Variants in VPS53 observed in about 807,000 individuals in gnomAD.
The protein encoded by VPS53 is VPS53 subunit of GARP complex, also known as vacuolar protein sorting-associated protein 53 homolog.
Under a neutral mutation model 107.0 loss-of-function variants are expected in VPS53, and 70 were observed. That is an observed-to-expected ratio of 0.65 (90% CI 0.54 to 0.80). The LOEUF (loss-of-function observed/expected upper bound fraction) is 0.80, where lower values mean the gene tolerates loss of function less well. VPS53 is among the 30% of genes least tolerant of loss of function. The pLI is 0.00. For missense variants in VPS53, 917 were observed against 1,049.4 expected (o/e 0.87, Z 1.74); for synonymous variants, 409 against 393.3 (o/e 1.04, Z -0.47).
chr17:586,182 C>A, intron 13 of VPS53, 88 bp downstream of exon 13: 12 of 1,209,720 alleles, frequency 9.9e-6, no homozygotes, highest in Non-Finnish European at 7.3e-6. Flanking sequence ...ATCTTTCAGC[C>A]CCGGAAGGAG....
At chr17:565,775 C>G (rs1221672508) in intron 13 of VPS53, among the ~76,000 whole-genome samples, 1 of 152,188 alleles carries the variant, frequency 6.6e-6, no homozygotes, top group Non-Finnish European at 1.5e-5. Flanking sequence ...CTGGCCAAAA[C>G]GCTCTCCCAC....
intron 7 of VPS53, 47 bp from the exon 8 acceptor site, chr17:631,675 G>GT: frequency 1.3e-6 from 2 of 1,563,640 alleles, no homozygotes; most frequent in Non-Finnish European, 1.8e-6. Flanking sequence ...ATATCCTTAT[G>GT]TAACTACACA....
chr17:563,376 A>G (rs1825108511), intron 13 of VPS53, among the ~76,000 whole-genome samples: 2 of 146,870 alleles, frequency 1.4e-5, no homozygotes, highest in South Asian at 2.1e-4. Flanking sequence ...GCCCACTGCA[A>G]CCTCCATCTT....
intron 5 of VPS53, among the ~76,000 whole-genome samples, chr17:658,227 G>GAAACTCAGCCGTGAGTTCGTGGAT (rs1298565080): frequency 9.6e-6 from 1 of 104,004 alleles, no homozygotes; most frequent in Non-Finnish European, 2.3e-5. Context: ...ATTGAAGTGA[G>GAAACTCAGCCGTGAGTTCGTGGAT]ACACTCGGCC....
At chr17:572,705 G>A (rs1914281094) in intron 13 of VPS53, among the ~76,000 whole-genome samples, 1 of 150,356 alleles carries the variant, frequency 6.7e-6, no homozygotes, top group Admixed American at 6.6e-5. Context: ...TCTGCCTTGG[G>A]ATCCTGTTGA....
chr17:601,869 T>C lies in VPS53; in HGVS notation c.1144A>G (p.Thr382Ala). 6.3e-7 allele frequency: 1 copy of C among 1,596,458 alleles called. No homozygotes were observed. The highest frequency in any genetic ancestry group is 1.1e-5 in the South Asian group (1 of 88,526). ...LKKLESPPPS[T>A]NPFLEDEPTP... is the part of the protein sequence containing the mutation. The stretch of plus-strand genomic sequence containing the variant: ...GGCTCATCTTCCAGGAAGGGATTGG[T>C]AGATGGGGGTGGAGACTCAAGCTTT... Residue 382 changes from threonine (T) to alanine (A), a missense_variant, in exon 12 of 22, where the codon ACC becomes GCC. Physicochemically the swap from Thr to Ala is moderately conservative, Grantham distance 58 (BLOSUM62 0). Coordinates refer to ENST00000437048, the MANE Select transcript of VPS53 (RefSeq NM_001128159.3).
chr17:596,636 C>CT (rs1364468277), intron 12 of VPS53, among the ~76,000 whole-genome samples: 1 of 152,184 alleles, frequency 6.6e-6, no homozygotes, highest in Admixed American at 6.5e-5. Flanking sequence ...CTGAAGTTTC[C>CT]TTTTTTCTTA....
At chr17:685,724 G>A (rs755839184) in intron 4 of VPS53, among the ~76,000 whole-genome samples, 8 of 152,106 alleles carry the variant, frequency 5.3e-5, no homozygotes, top group Non-Finnish European at 1.2e-4. Flanking sequence ...CTGGAAACAG[G>A]TGTGGTGGCT....
chr17:556,876 C>A (rs535636583), intron 15 of VPS53, among the ~76,000 whole-genome samples: 1 of 30,592 alleles, frequency 3.3e-5, no homozygotes, highest in Non-Finnish European at 7.5e-5. Flanking sequence ...AAGGGAGCTA[C>A]CTACTGAAGG....
chr17:710,473 C>T (rs1057194811), intron 2 of VPS53, 60 bp downstream of exon 2: 14 of 1,329,352 alleles, frequency 1.1e-5, no homozygotes, highest in Admixed American at 3.5e-5. Flanking sequence ...ACACACGAAG[C>T]ATAACACCCA....
At chr17:680,743 T>C (rs761119217) in intron 4 of VPS53, among the ~76,000 whole-genome samples, 2 of 152,222 alleles carry the variant, frequency 1.3e-5, no homozygotes, top group African/African-American at 2.4e-5. Context: ...ATGCTTAAAA[T>C]AGTGCCAACC....
intron 17 of VPS53, chr17:537,509 G>A (rs747191519): frequency 5.0e-5 from 10 of 200,632 alleles, no homozygotes; most frequent in Non-Finnish European, 9.2e-5. Flanking sequence ...CACAGCAGGG[G>A]ACTGCAGCAG....
chr17:608,278 G>A (rs1199352957), intron 11 of VPS53, among the ~76,000 whole-genome samples: 1 of 152,088 alleles, frequency 6.6e-6, no homozygotes, highest in African/African-American at 2.4e-5. Flanking sequence ...GTGCCTTCCC[G>A]ATCCAATTTC....
chr17:663,624 C>T (rs1201933072), intron 4 of VPS53, among the ~76,000 whole-genome samples: 3 of 151,908 alleles, frequency 2.0e-5, no homozygotes, highest in African/African-American at 4.8e-5. Context: ...TGTCTGTGAG[C>T]GTGTCAGCAG....
At chr17:573,517 G>C (rs1158138963) in intron 13 of VPS53, among the ~76,000 whole-genome samples, 3 of 152,138 alleles carry the variant, frequency 2.0e-5, no homozygotes, top group Non-Finnish European at 4.4e-5. Context: ...CCAGGCTCAA[G>C]AGAAATCTGG....
intron 11 of VPS53, among the ~76,000 whole-genome samples, chr17:614,228 C>A (rs1969032916): frequency 6.6e-6 from 1 of 152,176 alleles, no homozygotes; most frequent in East Asian, 1.9e-4. Context: ...TGAAAACCAA[C>A]TGAACTGTAT....
At chr17:669,878 G>C (rs1304895084) in intron 4 of VPS53, among the ~76,000 whole-genome samples, 1 of 149,536 alleles carries the variant, frequency 6.7e-6, no homozygotes. Context: ...GTGACAGAGC[G>C]AGACTCCATC....
Position 596,487 on chromosome 17 carries a change from G to GCTGCC in VPS53, c.1218+5303_1218+5307dup, listed in dbSNP as rs1227931275. The stretch of plus-strand genomic sequence containing the variant: ...GGTTCCACCTCTATCTGCAGATGAC[G>GCTGCC]CTGCCCTGCCCTGCCCTCCCCACCA... On this transcript the variant is annotated intron_variant, in intron 12 of 21. Transcript: ENST00000437048. 2.0e-5 allele frequency among the ~76,000 whole-genome samples: 3 copies of GCTGCC among 152,194 alleles called. No individual in the cohort carries two copies. The East Asian group carries it at 5.8e-4, about 29-fold the overall frequency.
At chr17:604,645 T>A (rs952749239) in intron 11 of VPS53, among the ~76,000 whole-genome samples, 2 of 152,224 alleles carry the variant, frequency 1.3e-5, no homozygotes, top group African/African-American at 4.8e-5. Context: ...GATTTTGCCA[T>A]GTTGCCTGGG....
Sources: allele counts gnomAD v4.1 joint callset (sites outside exome capture counted in the v4.1 genomes callset), GRCh38; gene constraint gnomAD v4.1.1; transcripts MANE v1.5; gene names NCBI Gene and HGNC (gene_info 2026-07-23, HGNC 2026-07-21).